Variants in ADCY8 observed in about 807,000 individuals in gnomAD.
ADCY8 encodes the protein adenylate cyclase 8, also known as adenylate cyclase type 8.
In ADCY8, 51 loss-of-function variants were observed where a neutral mutation model predicts 119.7. The observed-to-expected ratio is 0.43, with a 90% CI of 0.34 to 0.54. The LOEUF is 0.54. Among genes scored for constraint, ADCY8 ranks in the 20% least tolerant of loss-of-function variants. The pLI is 0.03. For missense variants in ADCY8, 1,383 were observed against 1,598.8 expected (o/e 0.87, Z 2.30); for synonymous variants, 665 against 651.0 (o/e 1.02, Z -0.33).
intron 3 of ADCY8, among the ~76,000 whole-genome samples, chr8:130,944,439 C>T (rs531013698): frequency 6.6e-6 from 1 of 152,288 alleles, no homozygotes; most frequent in South Asian, 2.1e-4. Flanking sequence ...GAGCTTTTTA[C>T]ATCTTTTCTT....
intron 9 of ADCY8, among the ~76,000 whole-genome samples, chr8:130,857,034 A>G (rs1343798455): frequency 1.3e-5 from 2 of 148,988 alleles, no homozygotes; most frequent in East Asian, 4.1e-4. Flanking sequence ...TGCCTTTGTA[A>G]TGACCATCAA....
At chr8:130,993,956 C>T (rs7824237) in intron 1 of ADCY8, among the ~76,000 whole-genome samples, 26,049 of 152,182 alleles carry the variant, frequency 0.17, 4,555 homozygotes, top group African/African-American at 0.45. Context: ...CAGGTTTCAT[C>T]TCCTGTTACA....
At chr8:130,928,279 C>T (rs1820531494) in intron 5 of ADCY8, among the ~76,000 whole-genome samples, 1 of 152,140 alleles carries the variant, frequency 6.6e-6, no homozygotes, top group Admixed American at 6.6e-5. Flanking sequence ...TCTATTATTG[C>T]TCAGGCTAGT....
chr8:130,956,860 T>C (rs536438894), intron 2 of ADCY8, among the ~76,000 whole-genome samples: 75 of 152,340 alleles, frequency 4.9e-4, no homozygotes, highest in African/African-American at 1.8e-3. Flanking sequence ...TAAGATGGGA[T>C]GTGCTCCTCC....
At chr8:130,946,635 C>A (rs1251641344) in intron 3 of ADCY8, among the ~76,000 whole-genome samples, 2 of 152,186 alleles carry the variant, frequency 1.3e-5, no homozygotes, top group Admixed American at 1.3e-4. Flanking sequence ...TAAGTGTGCT[C>A]CATCTATTAG....
chr8:130,909,803 C>T lies in ADCY8; in HGVS notation c.1545G>A (p.Val515=), dbSNP rs922839775. The T allele has an allele frequency of 1.2e-6, 2 of 1,614,060 alleles. No homozygotes were observed. The highest frequency in any genetic ancestry group is 1.7e-6 in the Non-Finnish European group (2 of 1,180,024). Residue 515 remains valine, a synonymous_variant, in exon 6 of 18, where the codon GTG becomes GTA. Transcript: ENST00000286355. ...DMRIGIHSGS[V]LCGVLGLRKW... Reference sequence around the variant, plus strand: ...TCCTTAGTCCCAAAACACCGCACAGCACCGAGCCGGAGTGGATTCCAATCC... The same window carrying T: ...TCCTTAGTCCCAAAACACCGCACAGTACCGAGCCGGAGTGGATTCCAATCC...
At chr8:130,783,607 C>T in intron 17 of ADCY8, 84 bp downstream of exon 17, 2 of 965,924 alleles carry the variant, frequency 2.1e-6, no homozygotes, top group South Asian at 1.6e-5. Flanking sequence ...AAAAGCTTTC[C>T]TGGATTGATG....
intron 7 of ADCY8, among the ~76,000 whole-genome samples, chr8:130,899,716 G>A (rs182600916): frequency 2.6e-5 from 4 of 152,210 alleles, no homozygotes; most frequent in Admixed American, 2.6e-4. Flanking sequence ...TTAAATAACA[G>A]AATGAACAAT....
At chr8:130,843,905 G>A (rs527625658) in intron 11 of ADCY8, among the ~76,000 whole-genome samples, 18 of 152,288 alleles carry the variant, frequency 1.2e-4, no homozygotes, top group African/African-American at 4.3e-4. Context: ...TGAGATGGCA[G>A]GAAGGAGAGT....
chr8:130,921,579 T>C (rs1457468188), intron 5 of ADCY8, among the ~76,000 whole-genome samples: 3 of 150,714 alleles, frequency 2.0e-5, no homozygotes, highest in Non-Finnish European at 4.4e-5. Flanking sequence ...TCAGCCTCCC[T>C]AGTAGCTGGG....
intron 1 of ADCY8, among the ~76,000 whole-genome samples, chr8:131,026,271 A>G (rs1823820411): frequency 6.6e-6 from 1 of 152,182 alleles, no homozygotes; most frequent in Non-Finnish European, 1.5e-5. Flanking sequence ...CTGCAAGGAC[A>G]CAGTCGGAAG....
chr8:131,037,407 G>A (rs556065590), intron 1 of ADCY8, among the ~76,000 whole-genome samples: 24 of 152,088 alleles, frequency 1.6e-4, no homozygotes, highest in Non-Finnish European at 3.1e-4. Flanking sequence ...GGATTCACTT[G>A]GCAAGAAAAA....
chr8:130,790,282 G>A (rs1175678260), intron 15 of ADCY8, among the ~76,000 whole-genome samples: 3 of 152,190 alleles, frequency 2.0e-5, no homozygotes, highest in Non-Finnish European at 4.4e-5. Flanking sequence ...TTATTAGAGA[G>A]ACCCATGGGA....
intron 16 of ADCY8, 80 bp from the exon 17 acceptor site, chr8:130,783,885 G>A (rs947130854): frequency 7.2e-5 from 81 of 1,120,948 alleles, no homozygotes; most frequent in Non-Finnish European, 1.0e-4. Flanking sequence ...GGGGCTTTAC[G>A]TCCTAACCCA....
intron 15 of ADCY8, among the ~76,000 whole-genome samples, chr8:130,789,490 T>C (rs1305730940): frequency 6.6e-6 from 1 of 152,208 alleles, no homozygotes; most frequent in Non-Finnish European, 1.5e-5. Context: ...CCAAGTCTAA[T>C]GGTCTGGGAT....
intron 14 of ADCY8, among the ~76,000 whole-genome samples, chr8:130,802,652 G>A (rs900073263): frequency 6.6e-6 from 1 of 152,164 alleles, no homozygotes; most frequent in Non-Finnish European, 1.5e-5. Flanking sequence ...TCCAGAACAC[G>A]GAAGCATTTG....
intron 10 of ADCY8, among the ~76,000 whole-genome samples, chr8:130,848,512 A>C (rs979067189): frequency 8.5e-5 from 13 of 152,210 alleles, no homozygotes; most frequent in African/African-American, 2.9e-4. Flanking sequence ...GGACAACCAC[A>C]GAACTTAAGT....
At chr8:130,816,427 C>CTTTTTTT (rs59803292) in intron 13 of ADCY8, among the ~76,000 whole-genome samples, 7 of 121,192 alleles carry the variant, frequency 5.8e-5, no homozygotes, top group South Asian at 2.6e-4. Flanking sequence ...ATTTTTTTTT[C>CTTTTTTT]TTTTTTTTTT....
intron 2 of ADCY8, among the ~76,000 whole-genome samples, chr8:130,976,587 T>C (rs1822079310): frequency 6.6e-6 from 1 of 152,232 alleles, no homozygotes; most frequent in African/African-American, 2.4e-5. Context: ...AAGTCATTTC[T>C]TATTCATTGA....
Sources: gnomAD v4.1 joint callset for allele counts (sites outside exome capture counted in the v4.1 genomes callset) on GRCh38, gnomAD v4.1.1 for gene constraint, MANE v1.5 for transcripts, NCBI Gene and HGNC (gene_info 2026-07-23, HGNC 2026-07-21) for gene names.